Variants in CADPS observed in about 807,000 individuals in gnomAD.
CADPS encodes calcium dependent secretion activator.
CADPS carries 57 observed loss-of-function variants against 167.3 expected under a neutral mutation model. That is an observed-to-expected ratio of 0.34 (90% CI 0.28 to 0.42). CADPS has a LOEUF of 0.42. Ranked by LOEUF, CADPS falls within the 20% of genes least tolerant of loss-of-function variation. The probability of loss-of-function intolerance (pLI) is 1.00; values close to 1 mark genes in which losing one functional copy is unlikely to be tolerated. For missense variants in CADPS, 1,414 were observed against 1,738.1 expected, an observed-to-expected ratio of 0.81 and a Z score of 3.32; for synonymous variants, 676 against 635.3, an observed-to-expected ratio of 1.06 and a Z score of -0.96.
At chr3:62,712,452 G>A (rs2083582879) in intron 3 of CADPS, among the ~76,000 whole-genome samples, 1 of 152,110 alleles carries the variant, frequency 6.6e-6, no homozygotes, top group South Asian at 2.1e-4. Context: ...TCACAATGTT[G>A]AAACTTTTTT....
chr3:62,582,897 T>C (rs1220901649), intron 8 of CADPS, among the ~76,000 whole-genome samples: 1 of 152,178 alleles, frequency 6.6e-6, no homozygotes, highest in African/African-American at 2.4e-5. Flanking sequence ...GTAGTTCAGT[T>C]TCTAGCAGAG....
At chr3:62,820,050 C>T (rs1456222867) in intron 1 of CADPS, among the ~76,000 whole-genome samples, 2 of 152,074 alleles carry the variant, frequency 1.3e-5, no homozygotes, top group Non-Finnish European at 2.9e-5. Flanking sequence ...CACACATGCA[C>T]ACACGATACA....
chr3:62,859,049 A>G (rs1011934381), intron 1 of CADPS, among the ~76,000 whole-genome samples: 2 of 152,180 alleles, frequency 1.3e-5, no homozygotes, highest in African/African-American at 4.8e-5. Flanking sequence ...AGAAAGCTTT[A>G]TATAAAAGCA....
At chr3:62,582,453 T>A (rs1288406690) in intron 8 of CADPS, among the ~76,000 whole-genome samples, 1 of 152,072 alleles carries the variant, frequency 6.6e-6, no homozygotes, top group Non-Finnish European at 1.5e-5. Flanking sequence ...CTCAAAAAAA[T>A]TTTTCTTTTC....
chr3:62,523,298 T>TA (rs1361262024), intron 13 of CADPS, among the ~76,000 whole-genome samples: 1 of 152,222 alleles, frequency 6.6e-6, no homozygotes, highest in Non-Finnish European at 1.5e-5. Flanking sequence ...TGGAGTTTAT[T>TA]AACTAATATC....
intron 26 of CADPS, among the ~76,000 whole-genome samples, chr3:62,453,936 CCGTTGCT>C (rs1359920528): frequency 6.6e-6 from 1 of 152,110 alleles, no homozygotes; most frequent in African/African-American, 2.4e-5. Context: ...AGGCCATTGT[CCGTTGCT>C]TCCTTTTATA....
intron 1 of CADPS, among the ~76,000 whole-genome samples, chr3:62,819,703 C>T (rs2971926): frequency 0.94 from 142,846 of 152,166 alleles, 67,165 homozygotes; most frequent in East Asian, 1. Context: ...TCCATCCCTA[C>T]GTAACCAATT....
At chr3:62,743,013 T>C (rs508417) in intron 3 of CADPS, among the ~76,000 whole-genome samples, 50,623 of 151,924 alleles carry the variant, frequency 0.33, 8,877 homozygotes, top group South Asian at 0.44. Context: ...CCAACAATCA[T>C]ATGAAGAAAA....
At chr3:62,828,112 G>T (rs191444758) in intron 1 of CADPS, among the ~76,000 whole-genome samples, 130 of 152,208 alleles carry the variant, frequency 8.5e-4, no homozygotes, top group East Asian at 3.9e-3. Context: ...ACCATTAAAT[G>T]CCAAGAGCTC....
At chr3:62,476,176 T>C (rs1047236121) in intron 23 of CADPS, among the ~76,000 whole-genome samples, 2 of 152,040 alleles carry the variant, frequency 1.3e-5, no homozygotes, top group African/African-American at 4.8e-5. Flanking sequence ...ACATGAGGAG[T>C]GCCTTATTGA....
At chr3:62,576,117 A>T (rs2082217817) in intron 8 of CADPS, among the ~76,000 whole-genome samples, 1 of 152,208 alleles carries the variant, frequency 6.6e-6, no homozygotes, top group South Asian at 2.1e-4. Context: ...CACTACAGGC[A>T]GATCTATTTG....
intron 6 of CADPS, among the ~76,000 whole-genome samples, chr3:62,616,676 A>G (rs1037601487): frequency 3.3e-5 from 5 of 152,130 alleles, no homozygotes; most frequent in African/African-American, 1.2e-4. Context: ...TATATCCTCA[A>G]TATAATGCTC....
chr3:62,721,350 G>T (rs1022357632), intron 3 of CADPS, among the ~76,000 whole-genome samples: 1 of 151,998 alleles, frequency 6.6e-6, no homozygotes, highest in African/African-American at 2.4e-5. Context: ...ATTTTAGCCA[G>T]GTTTACTCAG....
At chr3:62,834,719 A>G (rs1279230452) in intron 1 of CADPS, among the ~76,000 whole-genome samples, 1 of 152,146 alleles carries the variant, frequency 6.6e-6, no homozygotes, top group Non-Finnish European at 1.5e-5. Flanking sequence ...TATTATTATC[A>G]TTATCAAATT....
At chr3:62,485,259 G>C (rs981478772) in intron 21 of CADPS, among the ~76,000 whole-genome samples, 1 of 151,756 alleles carries the variant, frequency 6.6e-6, no homozygotes, top group Non-Finnish European at 1.5e-5. Flanking sequence ...AACTTTGTGG[G>C]ACTTTAGAAC....
intron 22 of CADPS, among the ~76,000 whole-genome samples, chr3:62,479,590 A>G (rs2061720230): frequency 6.6e-6 from 1 of 152,256 alleles, no homozygotes; most frequent in Admixed American, 6.5e-5. Flanking sequence ...CACACGCCCA[A>G]GCATGCTGAG....
chr3:62,837,039 C>T (rs2075998417), intron 1 of CADPS, among the ~76,000 whole-genome samples: 1 of 152,088 alleles, frequency 6.6e-6, no homozygotes, highest in African/African-American at 2.4e-5. Context: ...TACACCTTTT[C>T]TTAGTAACTG....
chr3:62,748,968 G>A (rs2082118799), intron 3 of CADPS, among the ~76,000 whole-genome samples: 1 of 152,190 alleles, frequency 6.6e-6, no homozygotes, highest in African/African-American at 2.4e-5. Context: ...GTGCTGGAAT[G>A]GAGCTGTGTG....
chr3:62,599,087 T>A (rs539015769), intron 6 of CADPS, among the ~76,000 whole-genome samples: 1 of 152,212 alleles, frequency 6.6e-6, no homozygotes, highest in African/African-American at 2.4e-5. Flanking sequence ...GCTATTAAGA[T>A]GAATACCTCT....
Sources: gnomAD v4.1 joint callset for allele counts (sites outside exome capture counted in the v4.1 genomes callset) on GRCh38, gnomAD v4.1.1 for gene constraint, MANE v1.5 for transcripts, NCBI Gene and HGNC (gene_info 2026-07-23, HGNC 2026-07-21) for gene names.